The following PWWP3A variants were observed in gnomAD, a reference collection of about 807,000 sequenced individuals.
PWWP3A encodes the protein PWWP domain containing 3A, DNA repair factor.
PWWP3A carries 53 observed loss-of-function variants against 79.0 expected under a neutral mutation model. The ratio of observed to expected loss-of-function variants is 0.67; its 90% CI spans 0.54 to 0.84. The LOEUF is 0.84. Ranked by LOEUF, PWWP3A falls within the 40% of genes least tolerant of loss-of-function variation. The pLI, the probability that PWWP3A is intolerant of heterozygous loss-of-function variation, is 0.00. For synonymous variants in PWWP3A, 443 were observed against 394.4 expected (o/e 1.12, Z -1.46); for missense variants, 973 against 948.0 (o/e 1.03, Z -0.35).
chr19:1,360,337 CCCGCGGAGACGTGTTGGGCAGTT>C lies in PWWP3A; in HGVS notation c.419_441del (p.Arg140GlnfsTer20), dbSNP rs1235544881. On this transcript the variant is annotated frameshift_variant, in exon 5 of 14. Coordinates refer to ENST00000591337, the MANE Select transcript of PWWP3A (RefSeq NM_001369789.1). LOFTEE classifies it high-confidence loss of function. The surrounding 1 kb of genome is among the most constrained non-coding windows in gnomAD (Gnocchi z 4.4). ...TGTGATTCGAACTCCTCATCTCTTC[CCCGCGGAGACGTGTTGGGCAGTT>C]CCAGACCTCACAGGAGGAGGCCATG... is the stretch of plus-strand genomic sequence containing the variant. 6.2e-7 allele frequency: 1 copy of C among 1,613,940 alleles called. No homozygotes were observed. The highest frequency in any genetic ancestry group is 2.2e-5 in the East Asian group (1 of 44,898).
chr19:1,357,145 T>C, intron 3 of PWWP3A, 51 bp downstream of exon 3: 1 of 1,403,156 alleles, frequency 7.1e-7, no homozygotes, highest in Non-Finnish European at 9.9e-7. Flanking sequence ...AGATTTCTGA[T>C]ACTTCAATCC....
chr19:1,356,376 C>CTG lies in PWWP3A; in HGVS notation c.-17_-16insTG. On this transcript the variant is annotated 5_prime_UTR_variant, in exon 2 of 14. Coordinates refer to ENST00000591337, the MANE Select transcript of PWWP3A (RefSeq NM_001369789.1). ...CGTTGTGCCAAATCATTGCCACTTG[C>CTG]CACATGAGTGTAAATGATGGCGGAT... 6.2e-7 allele frequency: 1 copy of CTG among 1,613,794 alleles called. No individual in the cohort carries two copies. The highest frequency in any genetic ancestry group is 8.5e-7 in the Non-Finnish European group (1 of 1,179,676).
intron 6 of PWWP3A, among the ~76,000 whole-genome samples, chr19:1,363,916 C>G (rs1265746467): frequency 6.6e-6 from 1 of 152,126 alleles, no homozygotes; most frequent in South Asian, 2.1e-4. Context: ...GTGTGTCTAA[C>G]GACAGACTGT....
chr19:1,360,433 A>C lies in PWWP3A; in HGVS notation c.512A>C (p.Glu171Ala), dbSNP rs2081985187. 2 of 1,614,150 alleles carry C rather than the reference A, an allele frequency of 1.2e-6. No homozygotes were observed. The highest frequency in any genetic ancestry group is 2.2e-5 in the South Asian group (2 of 91,084). Residue 171 changes from glutamate to alanine, a missense_variant, in exon 5 of 14, where the codon GAG becomes GCG. By Grantham distance (107) the Glu-to-Ala change is moderately radical (BLOSUM62 -1). Transcript: ENST00000591337. The surrounding 1 kb of genome is among the most constrained non-coding windows in gnomAD (Gnocchi z 4.4). ...TCGTTCACTTGTGAAAAGGACCCCG[A>C]GTGCAAAGTGGACCACAAGAAGGGG... ...SSSFTCEKDP[E>A]CKVDHKKGLR...
chr19:1,371,226 C>T (rs2082252444), intron 12 of PWWP3A, 148 bp downstream of exon 12: 2 of 886,452 alleles, frequency 2.3e-6, no homozygotes, highest in East Asian at 5.3e-5. Flanking sequence ...GTGTTTACAT[C>T]CTGTCAGTGC....
At chr19:1,376,319 T>G (rs2082399614) in intron 13 of PWWP3A, among the ~76,000 whole-genome samples, 200 bp from the exon 14 acceptor site, 1 of 136,190 alleles carries the variant, frequency 7.3e-6, no homozygotes, top group East Asian at 2.1e-4. Flanking sequence ...TTGTTTTTTT[T>G]TTTTTTTGGT....
intron 5 of PWWP3A, among the ~76,000 whole-genome samples, chr19:1,361,441 C>T (rs2082013246): frequency 6.6e-6 from 1 of 152,232 alleles, no homozygotes; most frequent in African/African-American, 2.4e-5. Flanking sequence ...GTGATTCACT[C>T]ACTCAAAAGA....
At chr19:1,358,191 A>T (rs1286577962) in intron 3 of PWWP3A, 3 of 357,480 alleles carry the variant, frequency 8.4e-6, no homozygotes, top group Non-Finnish European at 1.5e-5. Context: ...CTTAAAAGGA[A>T]AAAAAAAAAA....
intron 12 of PWWP3A, chr19:1,371,426 C>T: frequency 1.4e-6 from 1 of 702,012 alleles, no homozygotes; most frequent in Non-Finnish European, 2.6e-6. Flanking sequence ...GTTGGAAATT[C>T]CCAAGTCAGA....
At chr19:1,375,239 T>C (rs2082340281) in intron 13 of PWWP3A, among the ~76,000 whole-genome samples, 1 of 146,324 alleles carries the variant, frequency 6.8e-6, no homozygotes, top group Non-Finnish European at 1.5e-5. Context: ...AAAAAAAATA[T>C]TACACATCCT....
In PWWP3A at chr19:1,360,650, G is replaced by A. The variant is rs2081991038; in HGVS notation, c.729G>A (p.Met243Ile). Residue 243 changes from methionine (M) to isoleucine (I), a missense_variant, in exon 5 of 14, where the codon ATG becomes ATA. By Grantham distance (10) the Met-to-Ile change is conservative. Transcript: ENST00000591337. The surrounding 1 kb of genome is among the most constrained non-coding windows in gnomAD (Gnocchi z 4.4). Reference protein sequence around the residue: ...SLSEDDTERDMGSKGGSWAAP... With the variant: ...SLSEDDTERDIGSKGGSWAAP... ...CAGAGGACGACACGGAGAGAGACATGGGGAGCAAAGGAGGCAGCTGGGCAG... is the reference window on the plus strand; with the variant it reads ...CAGAGGACGACACGGAGAGAGACATAGGGAGCAAAGGAGGCAGCTGGGCAG... 1.2e-6 allele frequency: 2 copies of A among 1,613,230 alleles called. No individual in the cohort carries two copies. The highest frequency in any genetic ancestry group is 1.7e-6 in the Non-Finnish European group (2 of 1,179,396).
chr19:1,370,503 C>A, intron 11 of PWWP3A, 139 bp from the exon 12 acceptor site: 1 of 737,456 alleles, frequency 1.4e-6, no homozygotes, highest in Non-Finnish European at 2.1e-6. Context: ...GAATGCTCCA[C>A]TCCCGTGCTA....
At chr19:1,373,617 C>G (rs539155457) in intron 13 of PWWP3A, 1 of 162,404 alleles carries the variant, frequency 6.2e-6, no homozygotes, top group East Asian at 1.8e-4. Context: ...GGATGTTTGG[C>G]CCCCAGAGCG....
Position 1,364,461 on chromosome 19 carries a change from G to T in PWWP3A, c.1214-48G>T. 2.1e-6 allele frequency: 3 copies of T among 1,436,896 alleles called. No homozygotes were observed. In the South Asian group the frequency reaches 3.7e-5, roughly 18 times the overall value. 89.0% of individuals were successfully genotyped at this position (1,436,896 alleles called of 1,614,324 possible). ...TACACCTGGTGCTTGATATGGATTT[G>T]ACTTGTCTATTCTTTTTTTTTTGTT... On this transcript the variant is annotated intron_variant, in intron 6 of 13. Coordinates refer to ENST00000591337, the MANE Select transcript of PWWP3A (RefSeq NM_001369789.1).
chr19:1,375,770 G>A (rs1421171902), intron 13 of PWWP3A, among the ~76,000 whole-genome samples: 1 of 135,142 alleles, frequency 7.4e-6, no homozygotes, highest in Non-Finnish European at 1.5e-5. Flanking sequence ...TATATCATAT[G>A]TATATGTAGA....
rs1298372001 is a variant in PWWP3A, at chr19:1,357,046, G to C, written c.95G>C (p.Arg32Thr). ...ARTATSTKNK[R>T]RKEYFLAVQI... ...ACCGCGACTTCAACAAAAAATAAGAGAAGAAAGGAATATTTTCTAGCTGTG... is the reference window on the plus strand; with the variant it reads ...ACCGCGACTTCAACAAAAAATAAGACAAGAAAGGAATATTTTCTAGCTGTG... Residue 32 changes from arginine (R) to threonine (T), a missense_variant, in exon 3 of 14, where the codon AGA becomes ACA. Transcript: ENST00000591337. 2 of 1,613,328 alleles carry C rather than the reference G, an allele frequency of 1.2e-6. No homozygotes were observed. Among genetic ancestry groups the C allele is most frequent in the Non-Finnish European group, 1.7e-6 (2 of 1,179,796 alleles).
Position 1,368,459 on chromosome 19 carries a change from T to C in PWWP3A, c.1423-806T>C, listed in dbSNP as rs2082175183. 6.6e-6 allele frequency among the ~76,000 whole-genome samples: 1 copy of C among 152,088 alleles called. No individual in the cohort carries two copies. Among genetic ancestry groups the C allele is most frequent in the Non-Finnish European group, 1.5e-5 (1 of 68,014 alleles). ...AGTCACCGTGGCTTCTGAGGGATGA[T>C]ATTGGGGAAGCCGTGCTTTAGGAAA... On this transcript the variant is annotated intron_variant, in intron 9 of 13. Transcript: ENST00000591337. The surrounding 1 kb of genome is among the most constrained non-coding windows in gnomAD (Gnocchi z 4.7).
In PWWP3A at chr19:1,371,016, A is replaced by G. The variant is rs774951107; in HGVS notation, c.1924A>G (p.Lys642Glu). Residue 642 changes from lysine (K) to glutamate (E), a missense_variant, in exon 12 of 14, where the codon AAG becomes GAG. Transcript: ENST00000591337. ...LQGVYQEVGA[K>E]VLQRTNGDRI... ...GGGCGTCTACCAGGAGGTGGGGGCC[A>G]AGGTGCTCCAGCGCACCAACGGCGA... The G allele has an allele frequency of 1.4e-5, 22 of 1,573,910 alleles. No individual in the cohort carries two copies. Among genetic ancestry groups the G allele is most frequent in the Non-Finnish European group, 1.7e-5 (20 of 1,159,526 alleles).
rs1427369275 is a variant in PWWP3A at position 1,368,898 on chromosome 19, G to A, written c.1423-367G>A. ...GACCAGCCCAAGCCATCGGGTCCCC[G>A]GTGCCCACCTGCGTTCAGACCAGCC... On this transcript the variant is annotated intron_variant, in intron 9 of 13. Transcript: ENST00000591337. The surrounding 1 kb of genome is among the most constrained non-coding windows in gnomAD (Gnocchi z 4.7). Among the ~76,000 whole-genome samples the A allele has an allele frequency of 6.8e-6, 1 of 146,970 alleles. No homozygotes were observed. Among genetic ancestry groups the A allele is most frequent in the Admixed American group, 6.7e-5 (1 of 14,914 alleles).
Sources: allele counts gnomAD v4.1 joint callset (sites outside exome capture counted in the v4.1 genomes callset), GRCh38; gene constraint gnomAD v4.1.1; non-coding constraint Gnocchi (gnomAD v3.1); transcripts MANE v1.5; gene names NCBI Gene and HGNC (gene_info 2026-07-23, HGNC 2026-07-21).